The following C2CD5 variants were observed in gnomAD, a reference collection of about 807,000 sequenced individuals.
C2CD5 encodes the protein C2 domain-containing protein 5.
Under a neutral mutation model 130.3 loss-of-function variants are expected in C2CD5, and 109 were observed. That is an observed-to-expected ratio of 0.84 (90% CI 0.72 to 0.98). The LOEUF is 0.98. Ranked by LOEUF, C2CD5 falls within the 50% of genes least tolerant of loss-of-function variation. C2CD5 has a pLI of 0.00. For missense variants in C2CD5, 996 were observed against 1,261.8 expected (o/e 0.79, Z 3.19); for synonymous variants, 454 against 429.2 (o/e 1.06, Z -0.71).
At position 22,474,787 on chromosome 12, in the gene C2CD5, G is replaced by T. The variant is rs1159480536; in HGVS notation, c.2007C>A (p.Asp669Glu). The T allele has an allele frequency of 6.2e-7, 1 of 1,610,750 alleles. No individual in the cohort carries two copies. ...AAGCATCTTTTTTCCCATGTGAAAG[G>T]TCTAATTCTGTAACTTCATCCGAGC... ...SESSDEVTEL[D>E]LSHGKKDAFV... The change falls in exon 16 of 27, where the codon GAC becomes GAA. Residue 669 changes from aspartate (D) to glutamate (E), a missense_variant. Coordinates refer to ENST00000446597, the MANE Select transcript of C2CD5 (RefSeq NM_001286176.2).
At chr12:22,524,423 T>A in intron 6 of C2CD5, 49 bp downstream of exon 6, 1 of 1,548,280 alleles carries the variant, frequency 6.5e-7, no homozygotes, top group Non-Finnish European at 8.8e-7. Context: ...AGCAAAAAAT[T>A]TAAGAGAGTA....
At chr12:22,486,208 T>A (rs1365298869) in intron 12 of C2CD5, among the ~76,000 whole-genome samples, 1 of 149,116 alleles carries the variant, frequency 6.7e-6, no homozygotes, top group African/African-American at 2.5e-5. Flanking sequence ...AAAAAAACAC[T>A]GCAAAGCACA....
At chr12:22,477,721 C>T (rs1055853291) in intron 15 of C2CD5, among the ~76,000 whole-genome samples, 45 of 152,096 alleles carry the variant, frequency 3.0e-4, no homozygotes, top group Non-Finnish European at 5.0e-4. Context: ...GAGGAGGCAG[C>T]ATTGTGATAC....
chr12:22,516,332 G>A (rs533941114), intron 8 of C2CD5, among the ~76,000 whole-genome samples: 1 of 151,634 alleles, frequency 6.6e-6, no homozygotes, highest in African/African-American at 2.4e-5. Flanking sequence ...TAAGGCCAAG[G>A]GGCTGAAAAC....
At chr12:22,542,023 C>G (rs2137362675) in intron 2 of C2CD5, among the ~76,000 whole-genome samples, 1 of 152,306 alleles carries the variant, frequency 6.6e-6, no homozygotes, top group South Asian at 2.1e-4. Flanking sequence ...ACCTAGTTAT[C>G]AAGGCCTGAC....
intron 2 of C2CD5, 65 bp downstream of exon 2, chr12:22,543,996 G>A (rs1017234644): frequency 8.0e-5 from 99 of 1,231,822 alleles, no homozygotes; most frequent in Non-Finnish European, 1.1e-4. Flanking sequence ...CTGGGGGCGA[G>A]GTGGGTAGAT....
intron 8 of C2CD5, chr12:22,515,175 A>C (rs1337482963): frequency 1.0e-6 from 1 of 961,392 alleles, no homozygotes; most frequent in African/African-American, 1.8e-5. Context: ...AGCAGAGAAA[A>C]GATGCAGATT....
chr12:22,502,903 C>T (rs1947978210), intron 10 of C2CD5: 3 of 664,762 alleles, frequency 4.5e-6, no homozygotes, highest in Admixed American at 4.9e-5. Flanking sequence ...GACAACACCA[C>T]TCGACAGGAA....
At chr12:22,490,946 C>T (rs16925024) in intron 11 of C2CD5, among the ~76,000 whole-genome samples, 5,867 of 152,070 alleles carry the variant, frequency 0.039, 376 homozygotes, top group African/African-American at 0.13. Flanking sequence ...CCTAAGAGAA[C>T]AAGGGAGGAA....
intron 25 of C2CD5, among the ~76,000 whole-genome samples, chr12:22,455,144 G>GT (rs1939560398): frequency 6.6e-6 from 1 of 152,098 alleles, no homozygotes; most frequent in African/African-American, 2.4e-5. Flanking sequence ...CCTACATATA[G>GT]TTGTATAAAG....
intron 21 of C2CD5, among the ~76,000 whole-genome samples, chr12:22,470,069 A>G (rs1171596536): frequency 2.0e-5 from 3 of 152,130 alleles, no homozygotes; most frequent in Non-Finnish European, 4.4e-5. Flanking sequence ...AATAAATGCT[A>G]GACAATAATT....
In C2CD5 at chr12:22,544,054, C is replaced by A. The variant is rs760889123; in HGVS notation, c.90+7G>T. ...CTGTGTTTTGAGGGGCAGGACCCTG[C>A]ACCAACCTCCACGAAGGCATCAGTC... On this transcript the variant is annotated splice_region_variant and intron_variant, in intron 2 of 26. Transcript: ENST00000446597. The A allele has an allele frequency of 3.7e-6, 6 of 1,605,972 alleles. No individual in the cohort carries two copies. The African/African-American group carries it at 8.0e-5, about 22-fold the overall frequency.
chr12:22,508,408 C>G (rs1472481911), intron 9 of C2CD5, among the ~76,000 whole-genome samples: 1 of 152,082 alleles, frequency 6.6e-6, no homozygotes, highest in African/African-American at 2.4e-5. Context: ...TATGTTTAGT[C>G]AAAATGCATC....
intron 7 of C2CD5, among the ~76,000 whole-genome samples, chr12:22,519,740 G>C (rs1950101482): frequency 6.6e-6 from 1 of 152,030 alleles, no homozygotes; most frequent in African/African-American, 2.4e-5. Context: ...TACTAAGATA[G>C]GGGTATTTAA....
chr12:22,505,932 T>C (rs903729496), intron 10 of C2CD5, among the ~76,000 whole-genome samples: 1 of 152,112 alleles, frequency 6.6e-6, no homozygotes, highest in Non-Finnish European at 1.5e-5. Flanking sequence ...CATGCTGGAT[T>C]CCACCAATGA....
At chr12:22,517,864 T>A in intron 8 of C2CD5, 122 bp downstream of exon 8, 1 of 717,850 alleles carries the variant, frequency 1.4e-6, no homozygotes, top group East Asian at 2.8e-5. Flanking sequence ...ATGGTCAGTA[T>A]TCACATTTTC....
rs1950433256 is a variant in C2CD5, at chr12:22,523,344, C to G, written c.800+82G>C. On this transcript the variant is annotated intron_variant, in intron 7 of 26. Transcript: ENST00000446597. ...ACAGAGAAAATGTTGAACAACCCTA[C>G]TAAAATGTTTCAAATCAAATGAAAA... The G allele has an allele frequency of 2.7e-6, 3 of 1,128,766 alleles. No individual in the cohort carries two copies. In the East Asian group the frequency reaches 7.6e-5, roughly 29 times the overall value. 69.9% of individuals were successfully genotyped at this position (1,128,766 alleles called of 1,614,324 possible). A position where few individuals can be genotyped will look rare whatever the true frequency, so the allele number is the denominator to read the frequency against.
intron 26 of C2CD5, among the ~76,000 whole-genome samples, chr12:22,452,326 A>C (rs1237159731): frequency 6.6e-6 from 1 of 152,138 alleles, no homozygotes; most frequent in Non-Finnish European, 1.5e-5. Context: ...TTCTACTTTC[A>C]AACGATCCGT....
intron 11 of C2CD5, 104 bp downstream of exon 11, chr12:22,493,119 G>T: frequency 1.5e-6 from 1 of 667,822 alleles, no homozygotes; most frequent in South Asian, 2.1e-5. Context: ...CCATGCTCCT[G>T]AACACTTCGC....
Sources: gnomAD v4.1 joint callset for allele counts (sites outside exome capture counted in the v4.1 genomes callset) on GRCh38, gnomAD v4.1.1 for gene constraint, MANE v1.5 for transcripts, NCBI Gene and HGNC (gene_info 2026-07-23, HGNC 2026-07-21) for gene names.